The following TCF4 variants were observed in gnomAD, a reference collection of about 807,000 sequenced individuals.
TCF4 encodes SL3-3 enhancer factor 2.
A neutral mutation model predicts 82.1 loss-of-function variants in TCF4; 3 were observed. The ratio of observed to expected loss-of-function variants is 0.04; its 90% CI spans 0.02 to 0.09. The LOEUF is 0.09. TCF4 is among the 10% of genes least tolerant of loss of function. TCF4 has a pLI of 1.00. For synonymous variants in TCF4, 276 were observed against 309.6 expected, an observed-to-expected ratio of 0.89 and a Z score of 1.14; for missense variants, 518 against 852.7, an observed-to-expected ratio of 0.61 and a Z score of 4.89.
intron 3 of TCF4, among the ~76,000 whole-genome samples, chr18:55,571,719 T>C (rs2097471085): frequency 1.3e-5 from 2 of 151,330 alleles, no homozygotes; most frequent in African/African-American, 4.8e-5. Context: ...CAGAGGGGAA[T>C]GTGAATGAGA....
chr18:55,517,292 T>A (rs758112645), intron 3 of TCF4, among the ~76,000 whole-genome samples: 1 of 152,160 alleles, frequency 6.6e-6, no homozygotes, highest in Non-Finnish European at 1.5e-5. Context: ...TCTACCATGA[T>A]GTGAAGAACC....
chr18:55,543,089 T>C (rs1236719945), intron 3 of TCF4, among the ~76,000 whole-genome samples: 1 of 152,088 alleles, frequency 6.6e-6, no homozygotes, highest in Non-Finnish European at 1.5e-5. Flanking sequence ...ACAACCATTC[T>C]AAATTAAATG....
intron 5 of TCF4, among the ~76,000 whole-genome samples, chr18:55,416,423 C>G (rs1006023466): frequency 1.3e-5 from 2 of 152,168 alleles, no homozygotes; most frequent in African/African-American, 2.4e-5. Flanking sequence ...GGATAATTAG[C>G]TGCCACTGTC....
At chr18:55,607,384 G>T (rs2097703122) in intron 2 of TCF4, among the ~76,000 whole-genome samples, 1 of 152,202 alleles carries the variant, frequency 6.6e-6, no homozygotes, top group South Asian at 2.1e-4. Context: ...AAAAAGGTGT[G>T]TATAAGGTGG....
chr18:55,250,159 A>T (rs554835638), intron 15 of TCF4, among the ~76,000 whole-genome samples: 1 of 152,334 alleles, frequency 6.6e-6, no homozygotes, highest in African/African-American at 2.4e-5. Flanking sequence ...TTATAGTAAG[A>T]AAAATAACTT....
intron 2 of TCF4, among the ~76,000 whole-genome samples, chr18:55,599,467 T>C (rs1362292935): frequency 6.6e-6 from 1 of 152,192 alleles, no homozygotes; most frequent in African/African-American, 2.4e-5. Context: ...ATGCCTGTAA[T>C]CCCAGCACTT....
intron 2 of TCF4, among the ~76,000 whole-genome samples, chr18:55,620,518 G>A (rs2097716678): frequency 6.6e-6 from 1 of 152,112 alleles, no homozygotes; most frequent in South Asian, 2.1e-4. Context: ...CATTACATGT[G>A]TTCCTCAGTA....
At chr18:55,457,687 A>T (rs2095792195) in intron 5 of TCF4, among the ~76,000 whole-genome samples, 1 of 152,160 alleles carries the variant, frequency 6.6e-6, no homozygotes, top group African/African-American at 2.4e-5. Context: ...AGGTTTCACC[A>T]TGTTGCCTAG....
At chr18:55,262,952 A>T (rs1009323507) in intron 11 of TCF4, among the ~76,000 whole-genome samples, 8 of 152,032 alleles carry the variant, frequency 5.3e-5, no homozygotes, top group African/African-American at 1.9e-4. Context: ...GATTACAGGC[A>T]CACGCCACCA....
At chr18:55,577,196 A>G (rs564056650) in intron 3 of TCF4, among the ~76,000 whole-genome samples, 336 of 27,626 alleles carry the variant, frequency 0.012, 10 homozygotes, top group Admixed American at 0.12. Context: ...GTATATATAC[A>G]TTTATATATT....
In TCF4 at chr18:55,227,153, T is replaced by A. The variant is rs1599320573; in HGVS notation, c.*882A>T. On this transcript the variant is annotated 3_prime_UTR_variant, in exon 20 of 20. Transcript: ENST00000354452. ...ACTTATTTATGAATGAGAAGCAACA[T>A]CAGGGTCAGCATTTCATCCTGCACT... The A allele has an allele frequency of 1.3e-5, 2 of 151,820 alleles. No individual in the cohort carries two copies. The highest frequency in any genetic ancestry group is 2.9e-5 in the Non-Finnish European group (2 of 67,932). 9.4% of individuals were successfully genotyped at this position (151,820 alleles called of 1,614,324 possible).
At chr18:55,619,882 T>C (rs2097715936) in intron 2 of TCF4, among the ~76,000 whole-genome samples, 1 of 152,134 alleles carries the variant, frequency 6.6e-6, no homozygotes, top group Non-Finnish European at 1.5e-5. Flanking sequence ...GGAAACTGTT[T>C]GATCCTGGAG....
At chr18:55,629,214 G>A (rs1372163859) in intron 2 of TCF4, among the ~76,000 whole-genome samples, 1 of 152,170 alleles carries the variant, frequency 6.6e-6, no homozygotes, top group African/African-American at 2.4e-5. Context: ...TATTTGGTAT[G>A]CTGACAAGAA....
intron 8 of TCF4, among the ~76,000 whole-genome samples, chr18:55,299,901 C>T (rs758226878): frequency 1.3e-5 from 2 of 152,110 alleles, no homozygotes; most frequent in Non-Finnish European, 2.9e-5. Flanking sequence ...GATGAGTCTC[C>T]AACATCTTCC....
chr18:55,228,718 G>T, intron 18 of TCF4, 129 bp downstream of exon 18: 1 of 1,002,998 alleles, frequency 1.0e-6, no homozygotes, highest in Non-Finnish European at 1.5e-6. Context: ...AGTCTGCAAT[G>T]GAAACAATTC....
At chr18:55,439,535 G>C (rs376267300) in intron 5 of TCF4, among the ~76,000 whole-genome samples, 1 of 152,106 alleles carries the variant, frequency 6.6e-6, no homozygotes, top group African/African-American at 2.4e-5. Context: ...AGGATCTAGC[G>C]CACTCCCTGG....
At chr18:55,523,362 T>C (rs567176589) in intron 3 of TCF4, among the ~76,000 whole-genome samples, 17 of 152,004 alleles carry the variant, frequency 1.1e-4, no homozygotes, top group African/African-American at 2.9e-4. Flanking sequence ...AGAAAAACCA[T>C]AGTAGTTAAA....
chr18:55,402,056 T>C, intron 6 of TCF4: 1 of 985,506 alleles, frequency 1.0e-6, no homozygotes, highest in Non-Finnish European at 1.2e-6. Context: ...TGCACTCACA[T>C]TCCAAAGATG....
Position 55,232,519 on chromosome 18 carries a change from A to T in TCF4, c.1639T>A (p.Ser547Thr). ...ATTATATACTGTTACCTAGATCTTG[A>T]CCTAGTAATTGATTTGATATCCTTC... ...DKKDIKSITR[S>T]RSSNNDDEDL... Residue 547 changes from serine (S) to threonine (T), a missense_variant, in exon 17 of 20, where the codon TCA (serine) becomes ACA (threonine). Around this residue, in one of 7 missense-constraint regions of TCF4, gnomAD observed 144 missense variants for 190.2 expected, o/e 0.76. Coordinates refer to ENST00000354452, the MANE Select transcript of TCF4 (RefSeq NM_001083962.2). 6.2e-7 allele frequency: 1 copy of T among 1,614,142 alleles called. No individual in the cohort carries two copies. The highest frequency in any genetic ancestry group is 8.5e-7 in the Non-Finnish European group (1 of 1,179,994).
Sources: allele counts gnomAD v4.1 joint callset (sites outside exome capture counted in the v4.1 genomes callset), GRCh38; gene constraint gnomAD v4.1.1; regional missense constraint gnomAD v4.1.1; transcripts MANE v1.5; gene names NCBI Gene and HGNC (gene_info 2026-07-23, HGNC 2026-07-21).